The following PDGFC variants were observed in gnomAD, a reference collection of about 807,000 sequenced individuals.
PDGFC encodes the protein platelet-derived growth factor C.
A neutral mutation model predicts 35.5 loss-of-function variants in PDGFC; 12 were observed. That is an observed-to-expected ratio of 0.34 (90% CI 0.22 to 0.55). The LOEUF is 0.55. Among genes scored for constraint, PDGFC ranks in the 20% least tolerant of loss-of-function variants. The probability of loss-of-function intolerance (pLI) is 0.91; values close to 1 mark genes in which losing one functional copy is unlikely to be tolerated. For synonymous variants in PDGFC, 159 were observed against 148.8 expected, an observed-to-expected ratio of 1.07 and a Z score of -0.50; for missense variants, 322 against 412.4, an observed-to-expected ratio of 0.78 and a Z score of 1.90.
At chr4:156,857,216 T>C (rs1024578554) in intron 1 of PDGFC, among the ~76,000 whole-genome samples, 4 of 151,934 alleles carry the variant, frequency 2.6e-5, no homozygotes, top group Admixed American at 2.0e-4. Flanking sequence ...TTAACTCAAA[T>C]AGAATAAGAG....
intron 1 of PDGFC, among the ~76,000 whole-genome samples, chr4:156,959,895 G>A (rs1026293507): frequency 7.2e-5 from 11 of 151,902 alleles, no homozygotes; most frequent in Non-Finnish European, 1.3e-4. Flanking sequence ...GTGCCCAACC[G>A]ATGCCTATTC....
intron 1 of PDGFC, among the ~76,000 whole-genome samples, chr4:156,885,791 G>A (rs944956941): frequency 6.6e-6 from 1 of 152,068 alleles, no homozygotes; most frequent in Admixed American, 6.6e-5. Context: ...AGGCTGAGGT[G>A]GGAGAACTGT....
chr4:156,947,970 T>C (rs1731986568), intron 1 of PDGFC, among the ~76,000 whole-genome samples: 1 of 151,888 alleles, frequency 6.6e-6, no homozygotes, highest in African/African-American at 2.4e-5. Context: ...TCTGCTAGTC[T>C]CAATAAGTGT....
rs1366179585 is a variant in PDGFC at position 156,767,962 on chromosome 4, C to T, written c.732G>A (p.Glu244=). The stretch of plus-strand genomic sequence containing the variant: ...GAGGTGTGCAGCTGTATAATCTTAC[C>T]TCCTCTGTTAGAAGGTTCAGATCCA... ...RVVDLNLLTE[E]VRLYSCTPRN... The change falls in exon 5 of 6, where the codon GAG becomes GAA. Residue 244 remains glutamate, a synonymous_variant. Coordinates refer to ENST00000502773, the MANE Select transcript of PDGFC (RefSeq NM_016205.3). The T allele has an allele frequency of 6.2e-7, 1 of 1,610,652 alleles. No homozygotes were observed. Among genetic ancestry groups the T allele is most frequent in the African/African-American group, 1.3e-5 (1 of 74,788 alleles).
intron 1 of PDGFC, among the ~76,000 whole-genome samples, chr4:156,882,305 T>G (rs1392586320): frequency 1.3e-5 from 2 of 152,178 alleles, no homozygotes; most frequent in Non-Finnish European, 1.5e-5. Context: ...CGAAGTATTT[T>G]AAGATAAACA....
intron 4 of PDGFC, chr4:156,770,263 G>T (rs551877800): frequency 2.0e-5 from 3 of 151,948 alleles, no homozygotes; most frequent in Admixed American, 2.0e-4. Context: ...CAGTAGCAAG[G>T]TATGAATGAA....
At position 156,844,496 on chromosome 4, in the gene PDGFC, T is replaced by C. The variant is rs76192407; in HGVS notation, c.314+5725A>G. Among the ~76,000 whole-genome samples the C allele has an allele frequency of 2.0e-5, 3 of 151,978 alleles. No homozygotes were observed. The East Asian group carries it at 5.8e-4, about 29-fold the overall frequency. On this transcript the variant is annotated intron_variant, in intron 2 of 5. Coordinates refer to ENST00000502773, the MANE Select transcript of PDGFC (RefSeq NM_016205.3). ...ACTAGATTAAATTCCACAGTGAAAA[T>C]ATGAAGATTTCTTTGGAATTTTTTT...
At chr4:156,861,870 T>C (rs947979066) in intron 1 of PDGFC, among the ~76,000 whole-genome samples, 13 of 152,268 alleles carry the variant, frequency 8.5e-5, no homozygotes, top group Admixed American at 8.5e-4. Flanking sequence ...ATATACATTA[T>C]CTTTTAATGC....
chr4:156,795,867 A>G (rs1731426733), intron 3 of PDGFC, among the ~76,000 whole-genome samples: 1 of 152,166 alleles, frequency 6.6e-6, no homozygotes. Flanking sequence ...ATCAGTTCTG[A>G]ATCTTGACAT....
At chr4:156,931,856 T>C (rs945735843) in intron 1 of PDGFC, among the ~76,000 whole-genome samples, 1 of 152,106 alleles carries the variant, frequency 6.6e-6, no homozygotes, top group African/African-American at 2.4e-5. Context: ...AAAACTTAGG[T>C]AGTGGAATGT....
chr4:156,874,275 A>G (rs553356200), intron 1 of PDGFC, among the ~76,000 whole-genome samples: 25 of 152,302 alleles, frequency 1.6e-4, no homozygotes, highest in African/African-American at 6.0e-4. Flanking sequence ...GGAAAAAATT[A>G]ATAGACACCA....
intron 1 of PDGFC, among the ~76,000 whole-genome samples, chr4:156,894,860 G>C (rs1306934694): frequency 6.6e-6 from 1 of 152,024 alleles, no homozygotes; most frequent in Admixed American, 6.6e-5. Context: ...TTGTAGATTT[G>C]GATCCATTCC....
At chr4:156,771,348 C>T (rs1730687592) in intron 4 of PDGFC, among the ~76,000 whole-genome samples, 1 of 152,118 alleles carries the variant, frequency 6.6e-6, no homozygotes, top group Admixed American at 6.6e-5. Flanking sequence ...ACATGATAAT[C>T]AACTTCAAAT....
chr4:156,888,942 C>T (rs1469345357), intron 1 of PDGFC, among the ~76,000 whole-genome samples: 1 of 152,174 alleles, frequency 6.6e-6, no homozygotes, highest in African/African-American at 2.4e-5. Flanking sequence ...GAGTTACTCA[C>T]TCTTTTGAGG....
chr4:156,903,917 C>T (rs1039344901), intron 1 of PDGFC, among the ~76,000 whole-genome samples: 72 of 152,132 alleles, frequency 4.7e-4, no homozygotes, highest in Non-Finnish European at 2.9e-5. Flanking sequence ...GCTGTACTGG[C>T]CTTTAGGCCA....
intron 3 of PDGFC, among the ~76,000 whole-genome samples, chr4:156,787,466 G>C (rs1731159626): frequency 6.6e-6 from 1 of 152,152 alleles, no homozygotes; most frequent in Non-Finnish European, 1.5e-5. Context: ...GTTTAGAAGA[G>C]AATAAAAAGA....
chr4:156,832,604 T>C (rs1728971471), intron 2 of PDGFC, among the ~76,000 whole-genome samples: 1 of 152,352 alleles, frequency 6.6e-6, no homozygotes, highest in East Asian at 1.9e-4. Context: ...ATATACCACA[T>C]TCGAAACCAT....
intron 1 of PDGFC, among the ~76,000 whole-genome samples, chr4:156,885,780 G>A (rs1730362739): frequency 6.6e-6 from 1 of 152,088 alleles, no homozygotes; most frequent in African/African-American, 2.4e-5. Flanking sequence ...TATTACTTAG[G>A]AGGCTGAGGT....
chr4:156,839,105 T>A (rs1475003611), intron 2 of PDGFC, among the ~76,000 whole-genome samples: 1 of 152,180 alleles, frequency 6.6e-6, no homozygotes, highest in African/African-American at 2.4e-5. Context: ...CTTTGAAACA[T>A]ATGGCTACTT....
Sources: gnomAD v4.1 joint callset for allele counts (sites outside exome capture counted in the v4.1 genomes callset) on GRCh38, gnomAD v4.1.1 for gene constraint, MANE v1.5 for transcripts, NCBI Gene and HGNC (gene_info 2026-07-23, HGNC 2026-07-21) for gene names.